The following MAD1L1 variants were observed in gnomAD, a reference collection of about 807,000 sequenced individuals.
MAD1L1 encodes mitotic spindle assembly checkpoint protein MAD1.
MAD1L1 carries 95 observed loss-of-function variants against 96.9 expected under a neutral mutation model. The observed-to-expected ratio is 0.98, with a 90% CI of 0.83 to 1.16. MAD1L1 has a LOEUF of 1.16. Among genes scored for constraint, MAD1L1 ranks in the 50% most tolerant of loss-of-function variants. The pLI is 0.00. For missense variants in MAD1L1, 1,007 were observed against 954.4 expected, an observed-to-expected ratio of 1.06 and a Z score of -0.73; for synonymous variants, 473 against 396.6, an observed-to-expected ratio of 1.19 and a Z score of -2.29.
chr7:2,136,909 AC>A (rs1788780858), intron 11 of MAD1L1, among the ~76,000 whole-genome samples: 1 of 152,194 alleles, frequency 6.6e-6, no homozygotes. Context: ...TACAAAGTTT[AC>A]AACAAGTTAC....
intron 11 of MAD1L1, among the ~76,000 whole-genome samples, chr7:2,098,651 C>T (rs530004363): frequency 2.0e-5 from 3 of 152,318 alleles, no homozygotes; most frequent in East Asian, 1.9e-4. Flanking sequence ...GCCCTGGTCA[C>T]GGAGGACACG....
chr7:2,122,040 G>A (rs1788006924), intron 11 of MAD1L1, among the ~76,000 whole-genome samples: 1 of 152,268 alleles, frequency 6.6e-6, no homozygotes, highest in African/African-American at 2.4e-5. Flanking sequence ...TGGAGGGACA[G>A]AGGAACTCTT....
chr7:1,891,953 G>T (rs1333273674), intron 18 of MAD1L1, among the ~76,000 whole-genome samples: 1 of 152,110 alleles, frequency 6.6e-6, no homozygotes, highest in Non-Finnish European at 1.5e-5. Flanking sequence ...GGCATTTATA[G>T]TCTCCAGTTG....
At chr7:2,205,018 AT>A (rs1303881393) in intron 10 of MAD1L1, among the ~76,000 whole-genome samples, 3 of 149,754 alleles carry the variant, frequency 2.0e-5, no homozygotes, top group African/African-American at 7.4e-5. Flanking sequence ...CCTTTACAGA[AT>A]TTTAAGTAAC....
At chr7:1,873,808 A>G (rs1455849590) in intron 18 of MAD1L1, among the ~76,000 whole-genome samples, 1 of 152,046 alleles carries the variant, frequency 6.6e-6, no homozygotes, top group African/African-American at 2.4e-5. Context: ...GTGTTTGGGG[A>G]GCAGGCAGGG....
At chr7:2,033,589 CA>C (rs1783329839) in intron 12 of MAD1L1, among the ~76,000 whole-genome samples, 1 of 152,230 alleles carries the variant, frequency 6.6e-6, no homozygotes, top group African/African-American at 2.4e-5. Flanking sequence ...GAAAAATCAA[CA>C]ATCAACAGAA....
chr7:1,900,876 A>C (rs999437695), intron 17 of MAD1L1, among the ~76,000 whole-genome samples: 5 of 152,152 alleles, frequency 3.3e-5, no homozygotes, highest in African/African-American at 1.2e-4. Flanking sequence ...GTGTTTGCCC[A>C]CCCATAGCAG....
At chr7:2,093,244 CAAAA>C (rs10654575) in intron 11 of MAD1L1, among the ~76,000 whole-genome samples, 2 of 101,046 alleles carry the variant, frequency 2.0e-5, no homozygotes, top group African/African-American at 8.2e-5. Flanking sequence ...GACTCCGTGT[CAAAA>C]AAAAAAAAAA....
intron 10 of MAD1L1, among the ~76,000 whole-genome samples, chr7:2,179,931 A>G (rs1295942367): frequency 2.0e-5 from 3 of 151,920 alleles, no homozygotes; most frequent in Non-Finnish European, 4.4e-5. Context: ...AGATCGTGCC[A>G]CTGCACTCCA....
intron 11 of MAD1L1, among the ~76,000 whole-genome samples, chr7:2,102,009 C>T (rs1786803856): frequency 6.6e-6 from 1 of 152,110 alleles, no homozygotes; most frequent in African/African-American, 2.4e-5. Flanking sequence ...GCCTCGCTGA[C>T]CTTGGACCCT....
intron 10 of MAD1L1, among the ~76,000 whole-genome samples, chr7:2,179,029 TG>T (rs993165137): frequency 3.3e-5 from 5 of 152,314 alleles, no homozygotes; most frequent in Admixed American, 2.6e-4. Flanking sequence ...TAAGAGCCTA[TG>T]GAAGTTCACT....
intron 18 of MAD1L1, among the ~76,000 whole-genome samples, chr7:1,842,229 G>A (rs1423725535): frequency 6.6e-6 from 1 of 152,226 alleles, no homozygotes; most frequent in African/African-American, 2.4e-5. Flanking sequence ...TACCATGCCG[G>A]TAATTAAGCC....
rs4721392 is a variant in MAD1L1 at position 2,095,336 on chromosome 7, G to A, written c.1074-25998C>T. Among the ~76,000 whole-genome samples the A allele has an allele frequency of 3.3e-5, 5 of 152,080 alleles. No individual in the cohort carries two copies. The East Asian group carries it at 7.7e-4, about 23-fold the overall frequency. On this transcript the variant is annotated intron_variant, in intron 11 of 18. Coordinates refer to ENST00000265854, the MANE Select transcript of MAD1L1 (RefSeq NM_001013836.2). ...TGGGATTACAGGCATGAGCCACGGCGCCCAGCCTGCAAGAAATATTTTAAA... is the reference window on the plus strand; with the variant it reads ...TGGGATTACAGGCATGAGCCACGGCACCCAGCCTGCAAGAAATATTTTAAA...
At chr7:2,173,525 C>A (rs1181382387) in intron 10 of MAD1L1, among the ~76,000 whole-genome samples, 1 of 152,216 alleles carries the variant, frequency 6.6e-6, no homozygotes, top group Admixed American at 6.5e-5. Context: ...CTCATTCCAC[C>A]CTGGCTCTTT....
At chr7:1,904,317 T>C (rs567189183) in intron 17 of MAD1L1, among the ~76,000 whole-genome samples, 11 of 141,652 alleles carry the variant, frequency 7.8e-5, no homozygotes, top group South Asian at 4.6e-4. Context: ...GCGGAACTCA[T>C]GATTGATGAA....
intron 11 of MAD1L1, among the ~76,000 whole-genome samples, chr7:2,074,382 G>A (rs915302425): frequency 2.6e-5 from 4 of 152,158 alleles, no homozygotes; most frequent in Admixed American, 6.5e-5. Context: ...GGAACACGGG[G>A]CAGAGGCTGA....
At chr7:1,888,351 T>C (rs899261869) in intron 18 of MAD1L1, among the ~76,000 whole-genome samples, 1 of 151,100 alleles carries the variant, frequency 6.6e-6, no homozygotes, top group East Asian at 2.0e-4. Flanking sequence ...CCTGTGCATG[T>C]GTGTGCATGC....
At chr7:2,141,089 CCAGCGG>C (rs556429552) in intron 11 of MAD1L1, among the ~76,000 whole-genome samples, 2 of 152,352 alleles carry the variant, frequency 1.3e-5, no homozygotes, top group South Asian at 4.1e-4. Flanking sequence ...ACCCCAGAGC[CCAGCGG>C]CAGCGGACGC....
At chr7:1,887,767 G>A (rs1462339143) in intron 18 of MAD1L1, among the ~76,000 whole-genome samples, 2 of 151,108 alleles carry the variant, frequency 1.3e-5, no homozygotes, top group Admixed American at 1.3e-4. Flanking sequence ...GTGTGCATGT[G>A]GCTGCCTGTG....
Sources: allele counts gnomAD v4.1 joint callset (sites outside exome capture counted in the v4.1 genomes callset), GRCh38; gene constraint gnomAD v4.1.1; transcripts MANE v1.5; gene names NCBI Gene and HGNC (gene_info 2026-07-23, HGNC 2026-07-21).